Variants in GRIN2C observed in about 807,000 individuals in gnomAD.
GRIN2C encodes glutamate receptor ionotropic, NMDA 2C.
In GRIN2C, 64 loss-of-function variants were observed where a neutral mutation model predicts 77.7. That is an observed-to-expected ratio of 0.82 (90% CI 0.67 to 1.01). The LOEUF (loss-of-function observed/expected upper bound fraction) is 1.01. GRIN2C is among the 50% of genes least tolerant of loss of function. GRIN2C has a pLI of 0.00. For missense variants in GRIN2C, 1,549 were observed against 1,486.0 expected (o/e 1.04, Z -0.70); for synonymous variants, 792 against 643.4 (o/e 1.23, Z -3.49).
In GRIN2C at chr17:74,849,839, G is replaced by T. The variant is rs769299994; in HGVS notation, c.1586C>A (p.Thr529Lys). The T allele has an allele frequency of 2.5e-6, 4 of 1,613,186 alleles. No homozygotes were observed. In the South Asian group the frequency reaches 4.4e-5, roughly 18 times the overall value. ...GCGAGCCACCATCACACTGATGCCC[G>T]TCTCCACAAAGGGTACAGAGAAGTC... ...IVDFSVPFVE[T>K]GISVMVARSN... Residue 529 changes from threonine (T) to lysine (K), a missense_variant, in exon 7 of 13, where the codon ACG (threonine) becomes AAG (lysine). Physicochemically the swap from Thr to Lys is moderately conservative, Grantham distance 78 (BLOSUM62 -1). Around this residue, in one of 3 missense-constraint regions of GRIN2C, gnomAD observed 717 missense variants for 858.1 expected, o/e 0.84. Transcript: ENST00000293190. This position sits in a 1 kb window ranked among gnomAD's most constrained non-coding sequence, Gnocchi z 4.6.
chr17:74,845,557 A>T (rs949738106), intron 11 of GRIN2C, among the ~76,000 whole-genome samples: 1 of 152,116 alleles, frequency 6.6e-6, no homozygotes, highest in African/African-American at 2.4e-5. Context: ...GCCATGAGCC[A>T]CCACACCCAG....
chr17:74,858,157 C>G (rs969759629), intron 1 of GRIN2C, among the ~76,000 whole-genome samples: 4 of 152,142 alleles, frequency 2.6e-5, no homozygotes, highest in African/African-American at 9.7e-5. Context: ...CCCTACTCCC[C>G]TCAAGCTTCC....
In GRIN2C at chr17:74,847,258, T is replaced by TC. The variant is rs1388909620; in HGVS notation, c.2001+49dup. On this transcript the variant is annotated intron_variant, in intron 9 of 12. Transcript: ENST00000293190. This position sits in a 1 kb window ranked among gnomAD's most constrained non-coding sequence, Gnocchi z 5.2. ...CCAGGGCCTGCCCACTCACGGCCTGTCCCCACCCTCAGTGCCCCCCCCCAC... is the reference window on the plus strand; with the variant it reads ...CCAGGGCCTGCCCACTCACGGCCTGTCCCCCACCCTCAGTGCCCCCCCCCAC... 5 of 925,880 alleles carry TC rather than the reference T, an allele frequency of 5.4e-6. No individual in the cohort carries two copies. The highest frequency in any genetic ancestry group is 1.3e-5 in the South Asian group (1 of 76,822). The allele number at this position is 925,880 out of a possible 1,614,324, so 57.4% of individuals were successfully genotyped here.
At chr17:74,845,978 G>A (rs2144555778) in intron 11 of GRIN2C, 88 bp downstream of exon 11, 1 of 1,252,670 alleles carries the variant, frequency 8.0e-7, no homozygotes, top group Non-Finnish European at 1.2e-6. Flanking sequence ...CCTGCTCACA[G>A]GCCTTGGGAA....
At chr17:74,855,620 T>C (rs2144618381) in intron 1 of GRIN2C, among the ~76,000 whole-genome samples, 1 of 152,326 alleles carries the variant, frequency 6.6e-6, no homozygotes, top group South Asian at 2.1e-4. Context: ...TTTGCTGGGA[T>C]TAGTGACCTC....
Position 74,849,981 on chromosome 17 carries a change from T to A in GRIN2C, c.1492-48A>T, listed in dbSNP as rs755227073. ...GTTTGAAAAAGGGGCTCCCGTGGGG[T>A]GGACACGCTGCACAGGCACCTCCAG... On this transcript the variant is annotated intron_variant, in intron 6 of 12. Coordinates refer to ENST00000293190, the MANE Select transcript of GRIN2C (RefSeq NM_000835.6). This position sits in a 1 kb window ranked among gnomAD's most constrained non-coding sequence, Gnocchi z 4.6. The A allele has an allele frequency of 1.9e-4, 300 of 1,577,864 alleles. No homozygotes were observed. Among genetic ancestry groups the A allele is most frequent in the Non-Finnish European group, 2.5e-4 (290 of 1,161,132 alleles).
rs776276732 is a variant in GRIN2C at position 74,846,932 on chromosome 17, G to C, written c.2002-12C>G. 1 of 1,600,956 alleles carries C rather than the reference G, an allele frequency of 6.2e-7. No homozygotes were observed. The highest frequency in any genetic ancestry group is 8.5e-7 in the Non-Finnish European group (1 of 1,171,642). On this transcript the variant is annotated splice_polypyrimidine_tract_variant and intron_variant, in intron 9 of 12. Coordinates refer to ENST00000293190, the MANE Select transcript of GRIN2C (RefSeq NM_000835.6). This position sits in a 1 kb window ranked among gnomAD's most constrained non-coding sequence, Gnocchi z 4.4. ...TGAGGCCGCTGAAACTGCAGGCGGA[G>C]GGCAGCAGCCAGTCACAACCCTTCC...
intron 1 of GRIN2C, among the ~76,000 whole-genome samples, chr17:74,857,484 C>T (rs1217736704): frequency 6.6e-6 from 1 of 152,170 alleles, no homozygotes; most frequent in East Asian, 1.9e-4. Flanking sequence ...AGCCCAGAGA[C>T]ATGTTTGAGT....
At chr17:74,844,719 G>C (rs2037404970) in intron 11 of GRIN2C, among the ~76,000 whole-genome samples, 1 of 152,168 alleles carries the variant, frequency 6.6e-6, no homozygotes, top group African/African-American at 2.4e-5. Context: ...TAGGAAAGCA[G>C]GGTGGAGGCT....
In GRIN2C at chr17:74,842,141, A is replaced by T. The variant is rs1195952503; in HGVS notation, c.*294T>A. 5.2e-6 allele frequency: 2 copies of T among 383,552 alleles called. No homozygotes were observed. Among genetic ancestry groups the T allele is most frequent in the Non-Finnish European group, 9.4e-6 (2 of 213,370 alleles). 23.8% of individuals were successfully genotyped at this position (383,552 alleles called of 1,614,324 possible). On this transcript the variant is annotated 3_prime_UTR_variant, in exon 13 of 13. Coordinates refer to ENST00000293190, the MANE Select transcript of GRIN2C (RefSeq NM_000835.6). ...AAGTTCCAGCCTCCATGCCCACAGC[A>T]GCCATGACCAGTAACTGGCTAGCCC...
upstream of GRIN2C, among the ~76,000 whole-genome samples, chr17:74,860,209 A>G (rs777388833): frequency 1.8e-4 from 27 of 152,222 alleles, no homozygotes; most frequent in Admixed American, 8.5e-4. Context: ...GCTCAAAGTC[A>G]CTAGCACCGC....
intron 7 of GRIN2C, among the ~76,000 whole-genome samples, chr17:74,848,523 A>G (rs373381103): frequency 6.6e-6 from 1 of 152,124 alleles, no homozygotes; most frequent in African/African-American, 2.4e-5. Context: ...AACATGGCGA[A>G]ACCCTGTCTC....
At chr17:74,852,860 GTT>G in intron 2 of GRIN2C, 1 of 398,644 alleles carries the variant, frequency 2.5e-6, no homozygotes, top group Non-Finnish European at 4.4e-6. Context: ...CCACTGGGGA[GTT>G]TGTCAGAAAT....
Position 74,852,171 on chromosome 17 carries a change from G to A in GRIN2C, c.840C>T (p.Ser280=). ...CCTTCTGGCGCAGGCTGAGGCGCCA[G>A]CTCTCGGTGACGACGCTGATGAGGC... ...PVGLISVVTE[S]WRLSLRQKVR... is the part of the protein sequence containing the mutation. Residue 280 remains serine, a synonymous_variant, in exon 3 of 13, where the codon AGC becomes AGT. Coordinates refer to ENST00000293190, the MANE Select transcript of GRIN2C (RefSeq NM_000835.6). The A allele has an allele frequency of 6.8e-7, 1 of 1,461,780 alleles. No homozygotes were observed. The highest frequency in any genetic ancestry group is 9.0e-7 in the Non-Finnish European group (1 of 1,109,010). The allele number at this position is 1,461,780 out of a possible 1,614,324, so 90.6% of individuals were successfully genotyped here. A position where few individuals can be genotyped will look rare whatever the true frequency, so the allele number is the denominator to read the frequency against.
intron 3 of GRIN2C, 103 bp from the exon 4 acceptor site, chr17:74,851,794 T>A: frequency 1.3e-6 from 1 of 775,842 alleles, no homozygotes; most frequent in Non-Finnish European, 2.2e-6. Context: ...TTGTGTTTAT[T>A]GTTCAAAGTG....
rs777483624 is a variant in GRIN2C at position 74,844,446 on chromosome 17, C to G, written c.2413G>C (p.Val805Leu). Reference sequence around the variant, plus strand: ...TCGATGTCCAGCTTGCTGCTCATCACCTCGTTCTTCTCATTCTGGCAGATC... The same window carrying G: ...TCGATGTCCAGCTTGCTGCTCATCAGCTCGTTCTTCTCATTCTGGCAGATC... ...SGICQNEKNE[V>L]MSSKLDIDNM... The change falls in exon 12 of 13, where the codon GTG becomes CTG. Residue 805 changes from valine to leucine, a missense_variant. Val to Leu is a conservative substitution (Grantham distance 32). Coordinates refer to ENST00000293190, the MANE Select transcript of GRIN2C (RefSeq NM_000835.6). 1 of 1,614,210 alleles carries G rather than the reference C, an allele frequency of 6.2e-7. No homozygotes were observed. The highest frequency in any genetic ancestry group is 1.6e-4 in the Middle Eastern group (1 of 6,062).
chr17:74,844,225 G>A (rs1476345231), intron 12 of GRIN2C, 51 bp downstream of exon 12: 5 of 1,604,848 alleles, frequency 3.1e-6, no homozygotes, highest in Non-Finnish European at 4.3e-6. Flanking sequence ...GGACTTATCT[G>A]GGTAGGTGCC....
Position 74,842,692 on chromosome 17 carries a change from C to A in GRIN2C, c.3445G>T (p.Val1149Phe), listed in dbSNP as rs763817916. ...AGGTGGGCGTGGGCGTGCAGGCAGA[C>A]GTGCTGTCTGTGCTGCCAGGCGGGG... ...GAPAWQHRQH[V>F]CLHAHAHLPF... The change falls in exon 13 of 13, where the codon GTC becomes TTC. Residue 1149 changes from valine to phenylalanine, a missense_variant. Val to Phe is a conservative substitution (Grantham distance 50, BLOSUM62 -1). Around this residue, in one of 3 missense-constraint regions of GRIN2C, gnomAD observed 450 missense variants for 267.9 expected, o/e 1.68. Transcript: ENST00000293190. 4.1e-6 allele frequency: 3 copies of A among 725,664 alleles called. No homozygotes were observed. The highest frequency in any genetic ancestry group is 3.9e-5 in the Admixed American group (2 of 51,134). The allele number at this position is 725,664 out of a possible 1,614,324, so 45.0% of individuals were successfully genotyped here.
Position 74,843,327 on chromosome 17 carries a change from G to A in GRIN2C, c.2810C>T (p.Thr937Ile), listed in dbSNP as rs1462373591. ...GCATGGGCTGGGGCCAGACCGCGGG[G>A]TCGGGCAGGGGGACGGTGGGGGCGC... Reference protein sequence around the residue: ...RRAPPPSPCPTPRSGPSPCLP... With the variant: ...RRAPPPSPCPIPRSGPSPCLP... Residue 937 changes from threonine to isoleucine, a missense_variant, in exon 13 of 13, where the codon ACC (threonine) becomes ATC (isoleucine). Transcript: ENST00000293190. 1 of 1,478,306 alleles carries A rather than the reference G, an allele frequency of 6.8e-7. No homozygotes were observed. The highest frequency in any genetic ancestry group is 9.1e-7 in the Non-Finnish European group (1 of 1,103,034). 91.6% of individuals were successfully genotyped at this position (1,478,306 alleles called of 1,614,324 possible).
Sources: gnomAD v4.1 joint callset for allele counts (sites outside exome capture counted in the v4.1 genomes callset) on GRCh38, gnomAD v4.1.1 for gene constraint, gnomAD v4.1.1 regional missense constraint, Gnocchi (gnomAD v3.1) non-coding constraint, MANE v1.5 for transcripts, NCBI Gene and HGNC (gene_info 2026-07-23, HGNC 2026-07-21) for gene names.